Variants in KCNQ5 observed in about 807,000 individuals in gnomAD.
The protein encoded by KCNQ5 is potassium voltage-gated channel subfamily Q member 5, also known as potassium voltage-gated channel subfamily KQT member 5.
KCNQ5 carries 30 observed loss-of-function variants against 98.2 expected under a neutral mutation model. That is an observed-to-expected ratio of 0.31 (90% CI 0.23 to 0.41). KCNQ5 has a LOEUF of 0.41. KCNQ5 is among the 10% of genes least tolerant of loss of function. KCNQ5 has a pLI of 1.00. For missense variants in KCNQ5, 835 were observed against 1,182.5 expected (o/e 0.71, Z 4.31); for synonymous variants, 458 against 449.4 (o/e 1.02, Z -0.24).
chr6:72,913,858 A>G (rs1780035280), intron 1 of KCNQ5, among the ~76,000 whole-genome samples: 2 of 152,242 alleles, frequency 1.3e-5, no homozygotes, highest in African/African-American at 4.8e-5. Flanking sequence ...CTTAGGTTTG[A>G]TAAAGAGTGG....
In KCNQ5 at chr6:72,867,943, A is replaced by C. The variant is rs551578892; in HGVS notation, c.399-135965A>C. ...TGAGACTCTAAAAATAATACTAATA[A>C]TACTAATACTACTACTACTACTACT... On this transcript the variant is annotated intron_variant, in intron 1 of 13. Coordinates refer to ENST00000370398, the MANE Select transcript of KCNQ5 (RefSeq NM_019842.4). Among the ~76,000 whole-genome samples the C allele has an allele frequency of 5.0e-3, 760 of 151,224 alleles. 3 individuals are homozygous for C. Among genetic ancestry groups the C allele is most frequent in the East Asian group, 8.8e-3 (45 of 5,140 alleles).
At chr6:72,974,740 T>G (rs375100097) in intron 1 of KCNQ5, among the ~76,000 whole-genome samples, 26 of 152,176 alleles carry the variant, frequency 1.7e-4, no homozygotes, top group Middle Eastern at 3.4e-3. Flanking sequence ...AATAACACTT[T>G]CTACTTTTTT....
At chr6:72,829,495 GTCTC>G (rs1237052905) in intron 1 of KCNQ5, among the ~76,000 whole-genome samples, 1 of 151,736 alleles carries the variant, frequency 6.6e-6, no homozygotes, top group African/African-American at 2.4e-5. Flanking sequence ...GGTATTAAAG[GTCTC>G]TCTCTCTGTC....
intron 1 of KCNQ5, among the ~76,000 whole-genome samples, chr6:72,687,606 T>G (rs2154474099): frequency 6.6e-6 from 1 of 152,294 alleles, no homozygotes; most frequent in Non-Finnish European, 1.5e-5. Flanking sequence ...AGATAAAAAG[T>G]GAAAGCATAC....
At chr6:73,170,849 T>A (rs1777988341) in intron 11 of KCNQ5, among the ~76,000 whole-genome samples, 1 of 151,970 alleles carries the variant, frequency 6.6e-6, no homozygotes, top group South Asian at 2.1e-4. Flanking sequence ...CAGGAGACTC[T>A]CTTGAGCCCG....
chr6:72,966,415 A>AT (rs1767615335), intron 1 of KCNQ5, among the ~76,000 whole-genome samples: 1 of 151,820 alleles, frequency 6.6e-6, no homozygotes, highest in African/African-American at 2.4e-5. Context: ...CAAAAAAAAA[A>AT]AAAATAGTTG....
At chr6:72,645,946 A>C (rs1463590110) in intron 1 of KCNQ5, among the ~76,000 whole-genome samples, 1 of 152,058 alleles carries the variant, frequency 6.6e-6, no homozygotes, top group Non-Finnish European at 1.5e-5. Context: ...GAATGTAGAG[A>C]TTTCCACTTC....
chr6:72,782,311 T>C (rs1348884835), intron 1 of KCNQ5, among the ~76,000 whole-genome samples: 1 of 152,098 alleles, frequency 6.6e-6, no homozygotes, highest in Non-Finnish European at 1.5e-5. Context: ...GAGAAAGACA[T>C]GATGACTTGA....
intron 1 of KCNQ5, among the ~76,000 whole-genome samples, chr6:72,923,114 G>C (rs1780481316): frequency 6.6e-6 from 1 of 151,948 alleles, no homozygotes; most frequent in African/African-American, 2.4e-5. Flanking sequence ...GCCCAGCCAG[G>C]ACACATTTCT....
At chr6:73,075,446 C>T (rs2150389630) in intron 3 of KCNQ5, among the ~76,000 whole-genome samples, 1 of 152,284 alleles carries the variant, frequency 6.6e-6, no homozygotes, top group Admixed American at 6.5e-5. Context: ...TGGTCTCGAT[C>T]TCCTGACCTC....
At chr6:72,897,294 A>C (rs1439320255) in intron 1 of KCNQ5, among the ~76,000 whole-genome samples, 1 of 152,168 alleles carries the variant, frequency 6.6e-6, no homozygotes, top group Non-Finnish European at 1.5e-5. Flanking sequence ...TAATCCCAGC[A>C]CTTTGGGAGG....
rs997433053 is a variant in KCNQ5, at chr6:72,795,237, T to C, written c.398+172650T>C. 5.3e-5 allele frequency among the ~76,000 whole-genome samples: 8 copies of C among 152,222 alleles called. No homozygotes were observed. The South Asian group carries it at 1.7e-3, about 32-fold the overall frequency. ...GAAGCAAATACTGTGGGCTGGGGCATGAATTATGCTGATTGCCAGGCCAAG... is the reference window on the plus strand; with the variant it reads ...GAAGCAAATACTGTGGGCTGGGGCACGAATTATGCTGATTGCCAGGCCAAG... On this transcript the variant is annotated intron_variant, in intron 1 of 13. Transcript: ENST00000370398.
At chr6:72,930,544 T>C (rs1765645766) in intron 1 of KCNQ5, among the ~76,000 whole-genome samples, 1 of 144,414 alleles carries the variant, frequency 6.9e-6, no homozygotes, top group Non-Finnish European at 1.5e-5. Flanking sequence ...CATGATGAAG[T>C]TAATCACCTG....
chr6:72,967,387 T>A (rs775317107), intron 1 of KCNQ5, among the ~76,000 whole-genome samples: 7 of 151,962 alleles, frequency 4.6e-5, no homozygotes, highest in Admixed American at 2.0e-4. Context: ...GACAAAAAAA[T>A]ATCCCTTTAT....
intron 10 of KCNQ5, among the ~76,000 whole-genome samples, chr6:73,141,078 A>G (rs1196256257): frequency 6.6e-6 from 1 of 152,260 alleles, no homozygotes; most frequent in Non-Finnish European, 1.5e-5. Context: ...AAAACATACC[A>G]TAAACTAGGC....
chr6:72,630,464 G>A (rs1020126341), intron 1 of KCNQ5: 2 of 152,154 alleles, frequency 1.3e-5, no homozygotes, highest in Non-Finnish European at 1.5e-5. Flanking sequence ...CAGCCATTAT[G>A]TATGCCAGGT....
intron 1 of KCNQ5, among the ~76,000 whole-genome samples, chr6:72,953,356 C>G (rs747506473): frequency 2.0e-5 from 3 of 152,234 alleles, no homozygotes; most frequent in Non-Finnish European, 2.9e-5. Context: ...TTGTGAATCA[C>G]AAGATCTTTC....
intron 1 of KCNQ5, among the ~76,000 whole-genome samples, chr6:72,946,015 A>T (rs747877500): frequency 6.6e-6 from 1 of 152,166 alleles, no homozygotes; most frequent in Admixed American, 6.5e-5. Flanking sequence ...TTTCACTGAC[A>T]CAGCAGAGCC....
chr6:73,190,081 GA>G (rs10707439), intron 11 of KCNQ5, among the ~76,000 whole-genome samples: 93,451 of 149,742 alleles, frequency 0.62, 31,482 homozygotes, highest in African/African-American at 0.9. Flanking sequence ...TAATTTATGG[GA>G]AAAAAAAAAC....
Sources: allele counts gnomAD v4.1 joint callset (sites outside exome capture counted in the v4.1 genomes callset), GRCh38; gene constraint gnomAD v4.1.1; transcripts MANE v1.5; gene names NCBI Gene and HGNC (gene_info 2026-07-23, HGNC 2026-07-21).